Variants in AKAP1 observed in about 807,000 individuals in gnomAD.
The protein encoded by AKAP1 is A-kinase anchor protein 1, mitochondrial.
AKAP1 carries 32 observed loss-of-function variants against 79.8 expected under a neutral mutation model. The observed-to-expected ratio is 0.40, with a 90% CI of 0.30 to 0.54. The LOEUF is 0.54. AKAP1 is among the 20% of genes least tolerant of loss of function. The pLI is 0.47. For synonymous variants in AKAP1, 416 were observed against 466.7 expected (o/e 0.89, Z 1.40); for missense variants, 961 against 1,138.9 (o/e 0.84, Z 2.25).
chr17:57,112,848 G>A (rs951151027), intron 5 of AKAP1, among the ~76,000 whole-genome samples: 4 of 136,340 alleles, frequency 2.9e-5, no homozygotes, highest in Admixed American at 1.6e-4. Flanking sequence ...CCCCACATGG[G>A]AGGACTACTT....
rs1212207926 is a variant in AKAP1 at position 57,118,995 on chromosome 17, G to T, written c.2588G>T (p.Ser863Ile). 1 of 1,613,682 alleles carries T rather than the reference G, an allele frequency of 6.2e-7. No homozygotes were observed. Residue 863 changes from serine (S) to isoleucine (I), a missense_variant, in exon 10 of 11, where the codon AGT (serine) becomes ATT (isoleucine). Around this residue, in one of 3 missense-constraint regions of AKAP1, gnomAD observed 629 missense variants for 781.1 expected, o/e 0.81. Transcript: ENST00000337714. ...CCCCTTCTTCAGGTGACAAGTTACA[G>T]TCCAACTGGTCTTCCTCTGATTCAG... ...TALLAQVTSY[S>I]PTGLPLIQLW... is the part of the protein sequence containing the mutation.
Position 57,106,354 on chromosome 17 carries a change from A to T in AKAP1, c.890A>T (p.Asp297Val), listed in dbSNP as rs773009319. The T allele has an allele frequency of 6.2e-7, 1 of 1,614,136 alleles. No homozygotes were observed. The highest frequency in any genetic ancestry group is 8.5e-7 in the Non-Finnish European group (1 of 1,180,036). ...APPVADAKAQ[D>V]RGVEGELGNE... Reference sequence around the variant, plus strand: ...CCAGTCGCAGACGCCAAAGCCCAGGATAGAGGTGTCGAGGGAGAACTGGGC... The same window carrying T: ...CCAGTCGCAGACGCCAAAGCCCAGGTTAGAGGTGTCGAGGGAGAACTGGGC... The change falls in exon 2 of 11, where the codon GAT (aspartate) becomes GTT (valine). Residue 297 changes from aspartate to valine, a missense_variant. Transcript: ENST00000337714.
chr17:57,112,411 T>G, intron 4 of AKAP1, 80 bp from the exon 5 acceptor site: 1 of 1,531,676 alleles, frequency 6.5e-7, no homozygotes, highest in Non-Finnish European at 8.9e-7. Flanking sequence ...TGGAGTGGGG[T>G]CTGTGGCTGT....
intron 1 of AKAP1, among the ~76,000 whole-genome samples, chr17:57,098,993 C>G (rs540088384): frequency 6.6e-6 from 1 of 151,200 alleles, no homozygotes; most frequent in African/African-American, 2.4e-5. Flanking sequence ...TGGTCTTGAT[C>G]TGATCTCGTG....
chr17:57,106,926 G>A lies in AKAP1; in HGVS notation c.1462G>A (p.Val488Ile), dbSNP rs1178537470. 4.2e-5 allele frequency: 68 copies of A among 1,613,956 alleles called. No homozygotes were observed. The highest frequency in any genetic ancestry group is 5.5e-5 in the Non-Finnish European group (65 of 1,179,896). The change falls in exon 2 of 11, where the codon GTC becomes ATC. Residue 488 changes from valine (V) to isoleucine (I), a missense_variant. This residue lies in a region of AKAP1 where 629 missense variants were observed against 781.1 expected (regional missense o/e 0.81). Coordinates refer to ENST00000337714, the MANE Select transcript of AKAP1 (RefSeq NM_003488.4). ...AGILVEDATC[V>I]TCMSDSSQSV... Reference sequence around the variant, plus strand: ...CATCCTGGTGGAAGATGCCACCTGTGTCACCTGCATGTCAGACAGCAGCCA... The same window carrying A: ...CATCCTGGTGGAAGATGCCACCTGTATCACCTGCATGTCAGACAGCAGCCA...
chr17:57,110,496 A>G (rs1261450901), intron 3 of AKAP1, among the ~76,000 whole-genome samples: 3 of 152,220 alleles, frequency 2.0e-5, no homozygotes, highest in Non-Finnish European at 4.4e-5. Context: ...GGCCAGCCAG[A>G]ATCCCTTCAC....
chr17:57,094,047 T>C (rs1320496372), intron 1 of AKAP1: 1 of 152,090 alleles, frequency 6.6e-6, no homozygotes, highest in Non-Finnish European at 1.5e-5. Flanking sequence ...CATTTTCTTC[T>C]TCTCCTCTCC....
At chr17:57,107,382 T>G (rs1056917973) in intron 2 of AKAP1, among the ~76,000 whole-genome samples, 1 of 152,224 alleles carries the variant, frequency 6.6e-6, no homozygotes, top group Non-Finnish European at 1.5e-5. Context: ...CCCCAAGTCA[T>G]GGGAGCTGTA....
intron 6 of AKAP1, 88 bp downstream of exon 6, chr17:57,114,724 G>T: frequency 7.5e-7 from 1 of 1,335,768 alleles, no homozygotes; most frequent in African/African-American, 1.5e-5. Flanking sequence ...GCTGTTCTGC[G>T]ATCCTTCATG....
intron 5 of AKAP1, among the ~76,000 whole-genome samples, chr17:57,112,860 T>C (rs9892694): frequency 0.11 from 3,266 of 30,382 alleles, 131 homozygotes; most frequent in African/African-American, 0.29. Flanking sequence ...GGACTACTTT[T>C]CCTGGCTCTC....
rs369544303 is a variant in AKAP1, at chr17:57,112,504, T to C, written c.1989T>C (p.His663=). The C allele has an allele frequency of 1.5e-5, 25 of 1,613,942 alleles. No homozygotes were observed. Among genetic ancestry groups the C allele is most frequent in the South Asian group, 2.2e-5 (2 of 91,068 alleles). Residue 663 remains histidine, a synonymous_variant, in exon 5 of 11, where the codon CAT becomes CAC. Transcript: ENST00000337714. ...QICHIEGSQH[H]VDKALNLIGK... The stretch of plus-strand genomic sequence containing the variant: ...TCCGCTATTTAGGCTCTCAACATCA[T>C]GTAGACAAAGCGCTGAACTTGATTG...
At chr17:57,090,930 G>A (rs1913746532) in intron 1 of AKAP1, among the ~76,000 whole-genome samples, 1 of 152,202 alleles carries the variant, frequency 6.6e-6, no homozygotes, top group Non-Finnish European at 1.5e-5. Flanking sequence ...ACCATCTCCT[G>A]GCCCTCCAAA....
At chr17:57,090,498 C>A (rs143738730) in intron 1 of AKAP1, among the ~76,000 whole-genome samples, 2 of 151,944 alleles carry the variant, frequency 1.3e-5, no homozygotes, top group Non-Finnish European at 1.5e-5. Flanking sequence ...CCTGCCGCCC[C>A]CCATGCTCAT....
intron 1 of AKAP1, among the ~76,000 whole-genome samples, chr17:57,088,586 G>A (rs1384807167): frequency 4.6e-5 from 7 of 152,178 alleles, no homozygotes; most frequent in African/African-American, 1.7e-4. Context: ...TTAAAACTAG[G>A]TCCTCTGGAT....
At position 57,112,638 on chromosome 17, in the gene AKAP1, A is replaced by G. The variant is rs780945892; in HGVS notation, c.2103+20A>G. On this transcript the variant is annotated intron_variant, in intron 5 of 10. Transcript: ENST00000337714. ...TCCTGGGTGAGCGTGCTACTGGGTG[A>G]TCCGGACTTCTTGCCACTTTCCCCC... The G allele has an allele frequency of 3.2e-6, 5 of 1,584,716 alleles. No homozygotes were observed. In the South Asian group the frequency reaches 3.5e-5, roughly 11 times the overall value.
chr17:57,094,560 G>A (rs938577297), intron 1 of AKAP1: 5 of 151,008 alleles, frequency 3.3e-5, no homozygotes, highest in Admixed American at 6.6e-5. Context: ...TAAATGTGGC[G>A]ATCTGGATTT....
Position 57,106,026 on chromosome 17 carries a change from G to A in AKAP1, c.562G>A (p.Glu188Lys). The A allele has an allele frequency of 1.2e-6, 2 of 1,613,506 alleles. No homozygotes were observed. Among genetic ancestry groups the A allele is most frequent in the Admixed American group, 1.7e-5 (1 of 60,014 alleles). The change falls in exon 2 of 11, where the codon GAG (glutamate) becomes AAG (lysine). Residue 188 changes from glutamate (E) to lysine (K), a missense_variant. Glu to Lys is a moderately conservative substitution (Grantham distance 56). Around this residue, in one of 3 missense-constraint regions of AKAP1, gnomAD observed 224 missense variants for 210.2 expected, o/e 1.07. Coordinates refer to ENST00000337714, the MANE Select transcript of AKAP1 (RefSeq NM_003488.4). ...GCCAGGCTACCCCGTAGTCCCCGCA[G>A]AGAAGCGTAGCTCTGGGGAGAGGGC... is the stretch of plus-strand genomic sequence containing the variant. ...VQPGYPVVPA[E>K]KRSSGERARE...
Position 57,105,673 on chromosome 17 carries a change from C to T in AKAP1, c.209C>T (p.Thr70Ile), listed in dbSNP as rs1455841486. Reference sequence around the variant, plus strand: ...GACGTCTGTCCCAAAGTAGTGTCCACACCCCCCAGTGTCACAGAGCCTCCA... The same window carrying T: ...GACGTCTGTCCCAAAGTAGTGTCCATACCCCCCAGTGTCACAGAGCCTCCA... The part of the protein sequence containing the change: ...VEDVCPKVVS[T>I]PPSVTEPPEK... The change falls in exon 2 of 11, where the codon ACA becomes ATA. Residue 70 changes from threonine to isoleucine, a missense_variant. Physicochemically the swap from Thr to Ile is moderately conservative, Grantham distance 89 (BLOSUM62 -1). Coordinates refer to ENST00000337714, the MANE Select transcript of AKAP1 (RefSeq NM_003488.4). The T allele has an allele frequency of 5.6e-6, 9 of 1,614,160 alleles. No individual in the cohort carries two copies. The highest frequency in any genetic ancestry group is 7.6e-6 in the Non-Finnish European group (9 of 1,180,022).
intron 1 of AKAP1, among the ~76,000 whole-genome samples, chr17:57,098,994 T>G: frequency 6.6e-6 from 1 of 151,898 alleles, no homozygotes; most frequent in East Asian, 1.9e-4. Flanking sequence ...GGTCTTGATC[T>G]GATCTCGTGA....
Sources: gnomAD v4.1 joint callset for allele counts (sites outside exome capture counted in the v4.1 genomes callset) on GRCh38, gnomAD v4.1.1 for gene constraint, gnomAD v4.1.1 regional missense constraint, MANE v1.5 for transcripts, NCBI Gene and HGNC (gene_info 2026-07-23, HGNC 2026-07-21) for gene names.